The following EXOC6 variants were observed in gnomAD, a reference collection of about 807,000 sequenced individuals.
EXOC6 encodes SEC15-like 1.
In EXOC6, 60 loss-of-function variants were observed where a neutral mutation model predicts 112.5. That is an observed-to-expected ratio of 0.53 (90% CI 0.43 to 0.66). The LOEUF is 0.66. EXOC6 is among the 30% of genes least tolerant of loss of function. EXOC6 has a pLI of 0.00. For synonymous variants in EXOC6, 295 were observed against 308.0 expected (o/e 0.96, Z 0.44); for missense variants, 855 against 957.1 (o/e 0.89, Z 1.41).
intron 12 of EXOC6, among the ~76,000 whole-genome samples, chr10:92,939,615 A>G (rs1852545356): frequency 6.6e-6 from 1 of 152,050 alleles, no homozygotes; most frequent in Non-Finnish European, 1.5e-5. Context: ...AATATTTGGA[A>G]TTTAGAGAGG....
intron 1 of EXOC6, among the ~76,000 whole-genome samples, chr10:92,829,190 C>T (rs1025407653): frequency 6.6e-6 from 1 of 152,082 alleles, no homozygotes; most frequent in African/African-American, 2.4e-5. Flanking sequence ...GTGGTAAGCC[C>T]ATTTGCATGA....
At chr10:92,871,218 G>T in intron 1 of EXOC6, among the ~76,000 whole-genome samples, 1 of 152,072 alleles carries the variant, frequency 6.6e-6, no homozygotes, top group Non-Finnish European at 1.5e-5. Context: ...GAGTAGACTT[G>T]TGTAATGTTA....
intron 1 of EXOC6, among the ~76,000 whole-genome samples, chr10:92,849,017 C>T (rs1847191205): frequency 6.6e-6 from 1 of 152,174 alleles, no homozygotes; most frequent in Non-Finnish European, 1.5e-5. Flanking sequence ...GGCTGCTCGG[C>T]CGCGGGCATG....
At chr10:93,038,352 A>T (rs1429841575) in intron 20 of EXOC6, among the ~76,000 whole-genome samples, 2 of 152,222 alleles carry the variant, frequency 1.3e-5, no homozygotes, top group Non-Finnish European at 2.9e-5. Context: ...CCTACTAAGC[A>T]TTCTTTTTGA....
At chr10:93,025,922 G>C (rs1030676898) in intron 20 of EXOC6, among the ~76,000 whole-genome samples, 5 of 152,108 alleles carry the variant, frequency 3.3e-5, no homozygotes, top group Admixed American at 2.0e-4. Flanking sequence ...TCCCTTTCAA[G>C]GATAACCACT....
Position 92,894,986 on chromosome 10 carries a change from A to G in EXOC6, c.378A>G (p.Thr126=), listed in dbSNP as rs370262377. 3.7e-6 allele frequency: 6 copies of G among 1,612,306 alleles called. No homozygotes were observed. In the African/African-American group the frequency reaches 8.0e-5, roughly 22 times the overall value. ...IRCRIQQRNI[T]TVVEKLQLCL... ...GTAGAATTCAGCAGAGAAATATTAC[A>G]ACTGTAGTAGAAAAATTGCAGTTAT... The change falls in exon 4 of 22, where the codon ACA becomes ACG. Residue 126 remains threonine, a synonymous_variant. Coordinates refer to ENST00000260762, the MANE Select transcript of EXOC6 (RefSeq NM_019053.6).
chr10:93,057,038 T>A lies in EXOC6; in HGVS notation c.2282+2T>A. 1 of 1,484,388 alleles carries A rather than the reference T, an allele frequency of 6.7e-7. No homozygotes were observed. The highest frequency in any genetic ancestry group is 8.9e-7 in the Non-Finnish European group (1 of 1,119,442). The allele number at this position is 1,484,388 out of a possible 1,614,324, so 92.0% of individuals were successfully genotyped here. On this transcript the variant is annotated splice_donor_variant, in intron 21 of 21. Transcript: ENST00000260762. LOFTEE classifies it high-confidence loss of function. ...CACAGCCCTTACTCTTTTGGAGAAGTGAGTATATTCTGAAACTTTTTTGTA... is the reference window on the plus strand; with the variant it reads ...CACAGCCCTTACTCTTTTGGAGAAGAGAGTATATTCTGAAACTTTTTTGTA...
chr10:92,896,310 G>T (rs1202139864), intron 4 of EXOC6, among the ~76,000 whole-genome samples: 2 of 138,956 alleles, frequency 1.4e-5, no homozygotes, highest in African/African-American at 5.4e-5. Context: ...TCATTCTCCT[G>T]CCTCAGCCTC....
At chr10:93,008,706 A>G (rs1393460735) in intron 19 of EXOC6, among the ~76,000 whole-genome samples, 1 of 152,208 alleles carries the variant, frequency 6.6e-6, no homozygotes, top group Non-Finnish European at 1.5e-5. Flanking sequence ...CTATTTATTC[A>G]TTCAACACAC....
At chr10:93,001,869 T>C (rs1843773133) in intron 19 of EXOC6, among the ~76,000 whole-genome samples, 1 of 152,200 alleles carries the variant, frequency 6.6e-6, no homozygotes, top group Non-Finnish European at 1.5e-5. Context: ...CTTATTCTTA[T>C]TCTTCTTATG....
In EXOC6 at chr10:92,886,449, C is replaced by T. The variant is rs117445753; in HGVS notation, c.102-6900C>T. Among the ~76,000 whole-genome samples, 7 of 152,296 alleles carry T rather than the reference C, an allele frequency of 4.6e-5. No individual in the cohort carries two copies. The East Asian group carries it at 1.3e-3, about 29-fold the overall frequency. ...ACCTGATGGGTGCAACAGTGCACATCAGGGATTCCCTATTGAGTCATTCTC... is the reference window on the plus strand; with the variant it reads ...ACCTGATGGGTGCAACAGTGCACATTAGGGATTCCCTATTGAGTCATTCTC... On this transcript the variant is annotated intron_variant, in intron 1 of 21. Coordinates refer to ENST00000260762, the MANE Select transcript of EXOC6 (RefSeq NM_019053.6).
At chr10:93,000,218 G>A (rs545527332) in intron 19 of EXOC6, among the ~76,000 whole-genome samples, 1 of 152,098 alleles carries the variant, frequency 6.6e-6, no homozygotes, top group Non-Finnish European at 1.5e-5. Flanking sequence ...GGCATTTGAT[G>A]TGTCTTCTAA....
intron 20 of EXOC6, among the ~76,000 whole-genome samples, chr10:93,045,097 T>C (rs1414326804): frequency 1.3e-5 from 2 of 152,192 alleles, no homozygotes; most frequent in African/African-American, 2.4e-5. Context: ...AATTTCAAAC[T>C]TCTGGCCTCA....
chr10:92,885,292 C>T (rs1206552362), intron 1 of EXOC6, among the ~76,000 whole-genome samples: 2 of 151,528 alleles, frequency 1.3e-5, no homozygotes, highest in Admixed American at 6.6e-5. Flanking sequence ...TTATACATTC[C>T]GAGTTGCTAA....
chr10:92,952,425 T>G (rs759346141), intron 15 of EXOC6, 43 bp downstream of exon 15: 9 of 1,180,426 alleles, frequency 7.6e-6, no homozygotes, highest in Non-Finnish European at 1.0e-5. Flanking sequence ...ATAACTTTTA[T>G]GAAACATTAA....
intron 1 of EXOC6, among the ~76,000 whole-genome samples, chr10:92,862,785 A>G (rs1847971050): frequency 6.6e-6 from 1 of 152,220 alleles, no homozygotes. Flanking sequence ...TAGTTGATGA[A>G]CATTTGTTTC....
At chr10:92,988,128 A>G (rs1843083163) in intron 18 of EXOC6, among the ~76,000 whole-genome samples, 1 of 152,162 alleles carries the variant, frequency 6.6e-6, no homozygotes, top group African/African-American at 2.4e-5. Flanking sequence ...GCACTCGTAG[A>G]AGTCTAACCC....
intron 20 of EXOC6, among the ~76,000 whole-genome samples, chr10:93,034,381 A>G (rs186642262): frequency 3.9e-5 from 6 of 152,074 alleles, no homozygotes; most frequent in Non-Finnish European, 8.8e-5. Context: ...CCCCTCACCC[A>G]TTTTCTTTTA....
chr10:92,999,230 T>G, intron 19 of EXOC6: 1 of 413,464 alleles, frequency 2.4e-6, no homozygotes, highest in Middle Eastern at 8.3e-4. Context: ...CAAGTTTTTT[T>G]TTTTTTTTTT....
Sources: gnomAD v4.1 joint callset for allele counts (sites outside exome capture counted in the v4.1 genomes callset) on GRCh38, gnomAD v4.1.1 for gene constraint, MANE v1.5 for transcripts, NCBI Gene and HGNC (gene_info 2026-07-23, HGNC 2026-07-21) for gene names.